Variants in ERCC6L2 observed in about 807,000 individuals in gnomAD.
ERCC6L2 encodes ERCC excision repair 6 like 2.
In ERCC6L2, 77 loss-of-function variants were observed where a neutral mutation model predicts 132.0. The observed-to-expected ratio is 0.58, with a 90% CI of 0.49 to 0.71. The LOEUF is 0.71. ERCC6L2 is among the 30% of genes least tolerant of loss of function. The pLI, the probability that ERCC6L2 is intolerant of heterozygous loss-of-function variation, is 0.00. For synonymous variants in ERCC6L2, 583 were observed against 632.4 expected (o/e 0.92, Z 1.17); for missense variants, 1,542 against 1,837.6 (o/e 0.84, Z 2.94).
chr9:95,924,031 G>C (rs1337513691), intron 9 of ERCC6L2, among the ~76,000 whole-genome samples: 2 of 152,168 alleles, frequency 1.3e-5, no homozygotes, highest in Admixed American at 1.3e-4. Flanking sequence ...ACAGCTTCCT[G>C]CCTCCTTGCA....
At chr9:96,018,622 G>A (rs1328675494), downstream of ERCC6L2, among the ~76,000 whole-genome samples, 1 of 136,744 alleles carries the variant, frequency 7.3e-6, no homozygotes, top group Middle Eastern at 3.6e-3. Flanking sequence ...CACCCTGCCC[G>A]GCTAATTTTT....
chr9:96,029,853 C>A (rs1360497297), intron 19 of ERCC6L2, among the ~76,000 whole-genome samples: 2 of 152,170 alleles, frequency 1.3e-5, no homozygotes, highest in Non-Finnish European at 2.9e-5. Context: ...AGGAACTGCC[C>A]CTCCCAGGGT....
At chr9:95,932,544 T>G (rs1430732974) in intron 11 of ERCC6L2, among the ~76,000 whole-genome samples, 1 of 152,174 alleles carries the variant, frequency 6.6e-6, no homozygotes, top group African/African-American at 2.4e-5. Flanking sequence ...GGAGAATCAA[T>G]GAATTTATTA....
chr9:95,987,414 T>A (rs1479500533), intron 17 of ERCC6L2, among the ~76,000 whole-genome samples: 2 of 152,180 alleles, frequency 1.3e-5, no homozygotes, highest in African/African-American at 4.8e-5. Context: ...AATACACCCA[T>A]TCCAAATGGG....
At position 96,015,022 on chromosome 9, in the gene ERCC6L2, T is replaced by G. The variant is rs868530691; in HGVS notation, c.*1819T>G. Among the ~76,000 whole-genome samples, 5 of 120,896 alleles carry G rather than the reference T, an allele frequency of 4.1e-5. No individual in the cohort carries two copies. Among genetic ancestry groups the G allele is most frequent in the South Asian group, 3.0e-4 (1 of 3,370 alleles). 79.3% of individuals were successfully genotyped at this position (120,896 alleles called of 152,430 possible). The stretch of plus-strand genomic sequence containing the variant: ...AGTCTTCATATATGTACAGTTTTTT[T>G]TTTTTTTTTTTTTTTTTTGAGATTG... On this transcript the variant is annotated 3_prime_UTR_variant, in exon 19 of 19. Transcript: ENST00000653738.
At chr9:96,018,760 A>G (rs760073979), downstream of ERCC6L2, among the ~76,000 whole-genome samples, 1 of 148,330 alleles carries the variant, frequency 6.7e-6, no homozygotes, top group Non-Finnish European at 1.5e-5. Flanking sequence ...CATGTATTTT[A>G]TTTGCTTTGC....
At chr9:95,961,879 G>C (rs1029543257) in intron 13 of ERCC6L2, among the ~76,000 whole-genome samples, 2 of 152,218 alleles carry the variant, frequency 1.3e-5, no homozygotes, top group East Asian at 3.9e-4. Context: ...AAGAGAATGA[G>C]AATCAAACGA....
At chr9:95,900,314 G>C (rs1475807966) in intron 3 of ERCC6L2, among the ~76,000 whole-genome samples, 1 of 152,038 alleles carries the variant, frequency 6.6e-6, no homozygotes, top group South Asian at 2.1e-4. Flanking sequence ...CATGAGCCCA[G>C]GAGTTCTAGG....
chr9:95,900,682 T>A (rs1248526565), intron 3 of ERCC6L2, among the ~76,000 whole-genome samples: 1 of 152,220 alleles, frequency 6.6e-6, no homozygotes, highest in African/African-American at 2.4e-5. Context: ...TGCTTTGATG[T>A]AGTGCATTGT....
At position 95,971,977 on chromosome 9, in the gene ERCC6L2, T is replaced by C. The variant is rs1411387898; in HGVS notation, c.2226T>C (p.Ala742=). The change falls in exon 16 of 19, where the codon GCT becomes GCC. Residue 742 remains alanine, a synonymous_variant. Coordinates refer to ENST00000653738, the MANE Select transcript of ERCC6L2 (RefSeq NM_020207.7). The part of the protein sequence containing the change: ...DCQECRGTEQ[A]AEPLAKEACD... ...AGGAATGCAGAGGTACAGAACAAGC[T>C]GCAGAGCCACTGGCAAAGGAAGCAT... The C allele has an allele frequency of 7.7e-7, 1 of 1,304,120 alleles. No homozygotes were observed. Among genetic ancestry groups the C allele is most frequent in the Non-Finnish European group, 1.0e-6 (1 of 988,902 alleles). 80.8% of individuals were successfully genotyped at this position (1,304,120 alleles called of 1,614,324 possible). A position where few individuals can be genotyped will look rare whatever the true frequency, so the allele number is the denominator to read the frequency against.
intron 2 of ERCC6L2, among the ~76,000 whole-genome samples, chr9:95,893,215 G>A (rs923189518): frequency 1.3e-5 from 2 of 152,114 alleles, no homozygotes; most frequent in Non-Finnish European, 2.9e-5. Context: ...AATGCTAAGT[G>A]TAATGCCTAA....
intron 19 of ERCC6L2, among the ~76,000 whole-genome samples, chr9:96,030,829 G>A (rs1365946118): frequency 6.6e-6 from 1 of 152,092 alleles, no homozygotes. Context: ...GACAGCCCAG[G>A]GCACACCTCA....
At chr9:95,976,194 G>T (rs1017963318) in intron 16 of ERCC6L2, among the ~76,000 whole-genome samples, 5 of 152,094 alleles carry the variant, frequency 3.3e-5, no homozygotes, top group Non-Finnish European at 7.4e-5. Flanking sequence ...GCACTGTGGT[G>T]GGCTTTCCTC....
intron 20 of ERCC6L2, among the ~76,000 whole-genome samples, chr9:96,039,149 G>A (rs192170183): frequency 7.9e-5 from 12 of 152,322 alleles, no homozygotes; most frequent in Middle Eastern, 3.4e-3. Context: ...TGTGCTTGTC[G>A]GCTTAAGCTG....
At position 96,012,491 on chromosome 9, in the gene ERCC6L2, T is replaced by G; in HGVS notation, c.3941T>G (p.Leu1314Trp). The change falls in exon 19 of 19, where the codon TTG becomes TGG. Residue 1314 changes from leucine (L) to tryptophan (W), a missense_variant. Leu to Trp is a moderately conservative substitution (Grantham distance 61). Coordinates refer to ENST00000653738, the MANE Select transcript of ERCC6L2 (RefSeq NM_020207.7). ...IKPRLSDSET[L>W]SFKDSTNKIS... ...CCAAGGCTGTCAGATTCTGAAACCT[T>G]GTCATTTAAAGATTCTACCAACAAA... 2 of 1,367,460 alleles carry G rather than the reference T, an allele frequency of 1.5e-6. No individual in the cohort carries two copies. Among genetic ancestry groups the G allele is most frequent in the South Asian group, 1.1e-5 (1 of 87,972 alleles). The allele number at this position is 1,367,460 out of a possible 1,614,324, so 84.7% of individuals were successfully genotyped here.
intron 3 of ERCC6L2, among the ~76,000 whole-genome samples, chr9:95,898,741 C>T (rs1465577181): frequency 1.3e-5 from 2 of 152,116 alleles, no homozygotes; most frequent in Admixed American, 6.6e-5. Context: ...CTACTTACAG[C>T]AAGTTTTAAA....
rs561406610 is a variant in ERCC6L2 at position 95,894,446 on chromosome 9, T to C, written c.472-3403T>C. On this transcript the variant is annotated intron_variant, in intron 2 of 18. Coordinates refer to ENST00000653738, the MANE Select transcript of ERCC6L2 (RefSeq NM_020207.7). Reference sequence around the variant, plus strand: ...TGTGAGTTGTTTGAACTCTGTTCCTTACTGTCCAAACATTTGGAGATTTTC... The same window carrying C: ...TGTGAGTTGTTTGAACTCTGTTCCTCACTGTCCAAACATTTGGAGATTTTC... 2.6e-5 allele frequency among the ~76,000 whole-genome samples: 4 copies of C among 152,264 alleles called. No individual in the cohort carries two copies. In the South Asian group the frequency reaches 8.3e-4, roughly 32 times the overall value.
exon 20 of ERCC6L2, chr9:96,039,014 G>A (rs34191478): frequency 0.097 from 42,832 of 442,356 alleles, 2,290 homozygotes; most frequent in Admixed American, 0.13. Context: ...AACCACCTTG[G>A]AGACAGCTCC....
chr9:95,891,629 C>T (rs1203637427), intron 2 of ERCC6L2, among the ~76,000 whole-genome samples: 3 of 150,326 alleles, frequency 2.0e-5, no homozygotes, highest in African/African-American at 7.4e-5. Context: ...ATACTATTTT[C>T]CACAATGGCT....
Sources: gnomAD v4.1 joint callset for allele counts (sites outside exome capture counted in the v4.1 genomes callset) on GRCh38, gnomAD v4.1.1 for gene constraint, MANE v1.5 for transcripts, NCBI Gene and HGNC (gene_info 2026-07-23, HGNC 2026-07-21) for gene names.